The following NBPF9 variants were observed in gnomAD, a reference collection of about 807,000 sequenced individuals.
The protein encoded by NBPF9 is NBPF family member NBPF9.
NBPF9 carries 91 observed loss-of-function variants against 97.8 expected under a neutral mutation model. That is an observed-to-expected ratio of 0.93 (90% confidence interval 0.79 to 1.11). The LOEUF (loss-of-function observed/expected upper bound fraction) is 1.11. Among genes scored for constraint, NBPF9 ranks in the 50% least tolerant of loss-of-function variants. The pLI is 0.00. For missense variants in NBPF9, 992 were observed against 939.5 expected (o/e 1.06, Z -0.73); for synonymous variants, 334 against 359.5 (o/e 0.93, Z 0.80).
chr1:149,088,527 G>A (rs2081192723), intron 5 of NBPF9, among the ~76,000 whole-genome samples: 2 of 152,218 alleles, frequency 1.3e-5, no homozygotes, highest in South Asian at 2.1e-4. Context: ...AATGTTACCT[G>A]TGGGTTCTTC....
chr1:149,094,092 G>A (rs1396808829), intron 4 of NBPF9, among the ~76,000 whole-genome samples: 13 of 152,068 alleles, frequency 8.5e-5, no homozygotes, highest in East Asian at 7.8e-4. Context: ...CTGAGATGGC[G>A]CCGTTGCATT....
Position 149,077,869 on chromosome 1 carries a change from G to A in NBPF9, c.566+14C>T. Reference sequence around the variant, plus strand: ...GTTACCACCCATTACTTGCTCCTGAGTATTCAGTGTTACCTGGGGGCAGAT... The same window carrying A: ...GTTACCACCCATTACTTGCTCCTGAATATTCAGTGTTACCTGGGGGCAGAT... On this transcript the variant is annotated intron_variant, in intron 10 of 29. Transcript: ENST00000584027. 2 of 1,578,534 alleles carry A rather than the reference G, an allele frequency of 1.3e-6. No individual in the cohort carries two copies. The highest frequency in any genetic ancestry group is 1.7e-6 in the Non-Finnish European group (2 of 1,149,716).
intron 12 of NBPF9, among the ~76,000 whole-genome samples, 199 bp from the exon 13 acceptor site, chr1:149,074,069 A>C (rs1444323213): frequency 2.6e-5 from 4 of 151,004 alleles, no homozygotes; most frequent in African/African-American, 9.7e-5. Flanking sequence ...AGACGAAGAA[A>C]GAGAACCTCA....
intron 21 of NBPF9, 94 bp from the exon 22 acceptor site, chr1:149,062,359 A>T: frequency 9.4e-6 from 6 of 637,518 alleles, no homozygotes; most frequent in Non-Finnish European, 1.4e-5. Context: ...GGAACTGTTT[A>T]AAAAGAAAAA....
At chr1:149,072,687 T>A in intron 14 of NBPF9, 31 bp downstream of exon 14, 1 of 1,611,046 alleles carries the variant, frequency 6.2e-7, no homozygotes, top group Non-Finnish European at 8.5e-7. Context: ...AGCCTGGGGT[T>A]TTGGGTCAAC....
At chr1:149,079,743 T>C (rs1339741013) in intron 8 of NBPF9, among the ~76,000 whole-genome samples, 1 of 151,604 alleles carries the variant, frequency 6.6e-6, no homozygotes, top group East Asian at 1.9e-4. Flanking sequence ...GGGGTGGCAA[T>C]AGCACACCAT....
intron 8 of NBPF9, among the ~76,000 whole-genome samples, chr1:149,079,648 T>G (rs3979096): frequency 3.3e-5 from 5 of 150,474 alleles, no homozygotes; most frequent in East Asian, 3.9e-4. Flanking sequence ...AAGAAAAGAA[T>G]GACAGGGTCG....
intron 12 of NBPF9, among the ~76,000 whole-genome samples, chr1:149,074,440 A>G (rs1421492350): frequency 6.6e-6 from 1 of 151,616 alleles, no homozygotes; most frequent in African/African-American, 2.4e-5. Context: ...AAATGCTAAT[A>G]AAGTTTGTGT....
At chr1:149,053,736 G>A (rs1355752934), downstream of NBPF9, among the ~76,000 whole-genome samples, 1 of 135,034 alleles carries the variant, frequency 7.4e-6, no homozygotes, top group South Asian at 2.7e-4. Flanking sequence ...ACTGTTGTAT[G>A]GAAATATTTG....
intron 24 of NBPF9, chr1:149,060,072 C>A: frequency 3.3e-6 from 1 of 306,138 alleles, no homozygotes; most frequent in African/African-American, 3.0e-5. Context: ...ACAGTTATGC[C>A]ATATTTTTCC....
exon 30 of NBPF9, chr1:149,055,847 G>T (rs1553648707): frequency 1.9e-6 from 3 of 1,606,336 alleles, no homozygotes; most frequent in Admixed American, 3.3e-5. Flanking sequence ...CATCCATCCA[G>T]TGAGTCCTGC....
chr1:149,062,562 C>G (rs1468144900), intron 21 of NBPF9, among the ~76,000 whole-genome samples: 1 of 140,986 alleles, frequency 7.1e-6, no homozygotes, highest in Non-Finnish European at 1.6e-5. Flanking sequence ...CCTCGGGACA[C>G]ACAGCGAACA....
At chr1:149,073,242 G>A (rs1323979187) in intron 13 of NBPF9, among the ~76,000 whole-genome samples, 1 of 146,076 alleles carries the variant, frequency 6.8e-6, no homozygotes, top group Non-Finnish European at 1.5e-5. Flanking sequence ...TCTGGCCATG[G>A]ACATTTCCAT....
chr1:149,064,842 T>A (rs587769693), intron 18 of NBPF9: 1 of 541,574 alleles, frequency 1.8e-6, no homozygotes, highest in Non-Finnish European at 3.3e-6. Flanking sequence ...TACCCAGAAT[T>A]TGATAGTTTA....
At chr1:149,093,089 T>A (rs1553660526) in intron 4 of NBPF9, among the ~76,000 whole-genome samples, 1 of 152,004 alleles carries the variant, frequency 6.6e-6, no homozygotes, top group Admixed American at 6.6e-5. Context: ...GAGAGGGGGA[T>A]GTGGCAGGAC....
chr1:149,079,805 G>C (rs1553655989), intron 8 of NBPF9, among the ~76,000 whole-genome samples: 3 of 152,136 alleles, frequency 2.0e-5, no homozygotes, highest in Admixed American at 2.0e-4. Context: ...GGTGAATTTT[G>C]TGTTATGTAA....
intron 12 of NBPF9, among the ~76,000 whole-genome samples, chr1:149,075,391 C>T (rs1166712645): frequency 6.6e-6 from 1 of 152,192 alleles, no homozygotes; most frequent in Non-Finnish European, 1.5e-5. Flanking sequence ...TTGGAGAAAA[C>T]AGGTCATTCT....
intron 4 of NBPF9, among the ~76,000 whole-genome samples, chr1:149,094,737 GAA>G (rs2081630414): frequency 6.8e-6 from 1 of 146,326 alleles, no homozygotes; most frequent in Non-Finnish European, 1.5e-5. Context: ...TGAACAAACT[GAA>G]AGTCAACCCT....
At chr1:149,054,512 T>C (rs2078085794) in exon 30 of NBPF9, 1 of 126,148 alleles carries the variant, frequency 7.9e-6, no homozygotes, top group African/African-American at 2.9e-5. Flanking sequence ...AGACCTTCTC[T>C]GCCCGCAGAT....
Sources: allele counts gnomAD v4.1 joint callset (sites outside exome capture counted in the v4.1 genomes callset), GRCh38; gene constraint gnomAD v4.1.1; transcripts MANE v1.5; gene names NCBI Gene and HGNC (gene_info 2026-07-23, HGNC 2026-07-21).